OMD: variants seen among roughly 807,000 people sequenced by gnomAD.
OMD encodes osteomodulin, also known as KSPG osteomodulin.
Under a neutral mutation model 31.2 loss-of-function variants are expected in OMD, and 19 were observed. That is an observed-to-expected ratio of 0.61 (90% CI 0.42 to 0.89). OMD has a LOEUF of 0.89. OMD is among the 40% of genes least tolerant of loss of function. OMD has a pLI of 0.00. For synonymous variants in OMD, 155 were observed against 166.4 expected (o/e 0.93, Z 0.53); for missense variants, 448 against 490.8 (o/e 0.91, Z 0.82).
In OMD at chr9:92,412,911, A is replaced by G. The variant is rs1290474293; in HGVS notation, c.*2241T>C. On this transcript the variant is annotated 3_prime_UTR_variant, in exon 3 of 3. Coordinates refer to ENST00000375550, the MANE Select transcript of OMD (RefSeq NM_005014.3). The stretch of plus-strand genomic sequence containing the variant: ...TTTATATGCAAATTTTGGTGTGAAC[A>G]TGTGTGTTCAGTTCTATTGGGTATA... Among the ~76,000 whole-genome samples the G allele has an allele frequency of 6.8e-6, 1 of 146,066 alleles. No individual in the cohort carries two copies. Among genetic ancestry groups the G allele is most frequent in the Non-Finnish European group, 1.5e-5 (1 of 67,290 alleles).
rs2130952156 is a variant in OMD, at chr9:92,413,544, G to A, written c.*1608C>T. Reference sequence around the variant, plus strand: ...ATCTTTGTTTTCTAAAACACCTATAGTATTTTCCACGTATTAACTCTTAAT... The same window carrying A: ...ATCTTTGTTTTCTAAAACACCTATAATATTTTCCACGTATTAACTCTTAAT... On this transcript the variant is annotated 3_prime_UTR_variant, in exon 3 of 3. Transcript: ENST00000375550. 6.6e-6 allele frequency among the ~76,000 whole-genome samples: 1 copy of A among 152,150 alleles called. No homozygotes were observed. The highest frequency in any genetic ancestry group is 1.9e-4 in the East Asian group (1 of 5,182).
At chr9:92,418,617 G>C (rs142748280) in intron 1 of OMD, among the ~76,000 whole-genome samples, 51 of 152,192 alleles carry the variant, frequency 3.4e-4, no homozygotes, top group African/African-American at 1.2e-3. Context: ...TCACTGCCTG[G>C]GGGAGGAAAG....
chr9:92,423,126 CAT>C (rs1427756507), intron 1 of OMD, among the ~76,000 whole-genome samples: 1 of 152,148 alleles, frequency 6.6e-6, no homozygotes, highest in African/African-American at 2.4e-5. Context: ...TTCAAATGAA[CAT>C]ATTCATGAGA....
chr9:92,416,389 G>A (rs1843613834), intron 2 of OMD, among the ~76,000 whole-genome samples: 1 of 151,996 alleles, frequency 6.6e-6, no homozygotes, highest in African/African-American at 2.4e-5. Flanking sequence ...ACAGGCATGA[G>A]CCACCACGCC....
At position 92,416,850 on chromosome 9, in the gene OMD, A is replaced by G; in HGVS notation, c.709T>C (p.Tyr237His). Reference protein sequence around the residue: ...MPPGLPSSLMYLSLENNSISS... With the variant: ...MPPGLPSSLMHLSLENNSISS... ...ATTGAATTATTTTCTAAAGACAGAT[A>G]CATAAGTGAAGAAGGCAAACCAGGA... is the stretch of plus-strand genomic sequence containing the variant. The change falls in exon 2 of 3, where the codon TAT (tyrosine) becomes CAT (histidine). Residue 237 changes from tyrosine (Y) to histidine (H), a missense_variant. Transcript: ENST00000375550. The G allele has an allele frequency of 1.9e-6, 3 of 1,613,878 alleles. No homozygotes were observed. The highest frequency in any genetic ancestry group is 2.5e-6 in the Non-Finnish European group (3 of 1,179,808).
At chr9:92,418,759 A>G (rs764514421) in intron 1 of OMD, among the ~76,000 whole-genome samples, 3 of 152,178 alleles carry the variant, frequency 2.0e-5, no homozygotes, top group Non-Finnish European at 4.4e-5. Flanking sequence ...TAGAAATAGT[A>G]TTCATGTTTC....
intron 2 of OMD, among the ~76,000 whole-genome samples, 175 bp from the exon 3 acceptor site, chr9:92,415,652 A>G (rs1368097889): frequency 6.6e-6 from 1 of 150,656 alleles, no homozygotes; most frequent in African/African-American, 2.4e-5. Flanking sequence ...AAATTAAATT[A>G]TGAGTTTTAT....
chr9:92,413,557 A>G lies in OMD; in HGVS notation c.*1595T>C, dbSNP rs190885374. ...AAAACACCTATAGTATTTTCCACGT[A>G]TTAACTCTTAATGTTTGAATTTATA... On this transcript the variant is annotated 3_prime_UTR_variant, in exon 3 of 3. Coordinates refer to ENST00000375550, the MANE Select transcript of OMD (RefSeq NM_005014.3). Among the ~76,000 whole-genome samples the G allele has an allele frequency of 2.0e-5, 3 of 152,290 alleles. No homozygotes were observed. The highest frequency in any genetic ancestry group is 4.4e-5 in the Non-Finnish European group (3 of 68,026).
Position 92,416,885 on chromosome 9 carries a change from T to C in OMD, c.674A>G (p.Glu225Gly). Residue 225 changes from glutamate to glycine, a missense_variant, in exon 2 of 3, where the codon GAA becomes GGA. Transcript: ENST00000375550. ...MQLNLCSNRL[E>G]SMPPGLPSSL... is the part of the protein sequence containing the mutation. ...AGAAGGCAAACCAGGAGGCATTGATTCTAATCTGTTACTGCAGAGGTTGAG... is the reference window on the plus strand; with the variant it reads ...AGAAGGCAAACCAGGAGGCATTGATCCTAATCTGTTACTGCAGAGGTTGAG... 1 of 1,614,060 alleles carries C rather than the reference T, an allele frequency of 6.2e-7. No individual in the cohort carries two copies. The highest frequency in any genetic ancestry group is 8.5e-7 in the Non-Finnish European group (1 of 1,179,980).
chr9:92,414,889 A>T lies in OMD; in HGVS notation c.*263T>A, dbSNP rs1201463924. ...CTTTAACATGATATTTCTATATTTA[A>T]AAAGAGCATAAGAAACCATTAACGT... On this transcript the variant is annotated 3_prime_UTR_variant, in exon 3 of 3. Transcript: ENST00000375550. The T allele has an allele frequency of 3.4e-6, 1 of 291,506 alleles. No individual in the cohort carries two copies. Among genetic ancestry groups the T allele is most frequent in the Non-Finnish European group, 6.3e-6 (1 of 158,818 alleles). The allele number at this position is 291,506 out of a possible 1,614,324, so 18.1% of individuals were successfully genotyped here. A position where few individuals can be genotyped will look rare whatever the true frequency, so the allele number is the denominator to read the frequency against.
chr9:92,415,297 T>G lies in OMD; in HGVS notation c.1121A>C (p.Gln374Pro), dbSNP rs1279873297. ...TCTCCTGAAAACTTGTGTCTTTAGTTGTATTGTTTGACCATTAGTGCTTCG... is the reference window on the plus strand; with the variant it reads ...TCTCCTGAAAACTTGTGTCTTTAGTGGTATTGTTTGACCATTAGTGCTTCG... ...EQRSTNGQTI[Q>P]LKTQVFRRFP... The change falls in exon 3 of 3, where the codon CAA becomes CCA. Residue 374 changes from glutamine (Q) to proline (P), a missense_variant. Transcript: ENST00000375550. 6.2e-7 allele frequency: 1 copy of G among 1,613,752 alleles called. No individual in the cohort carries two copies. The highest frequency in any genetic ancestry group is 1.1e-5 in the South Asian group (1 of 91,070).
At chr9:92,423,108 A>G (rs908582240) in intron 1 of OMD, among the ~76,000 whole-genome samples, 1 of 152,190 alleles carries the variant, frequency 6.6e-6, no homozygotes, top group African/African-American at 2.4e-5. Flanking sequence ...TTTCACTATG[A>G]TAATTTCTTC....
Position 92,415,251 on chromosome 9 carries a change from TTCA to T in OMD, c.1164_1166del (p.Asp388del), listed in dbSNP as rs1253116495. On this transcript the variant is annotated inframe_deletion, in exon 3 of 3. Transcript: ENST00000375550. ...TGTCAGGATCATCGTGATCTTCACT[TTCA>T]TCATCATCATCTGGAAATCTCCTGA... 6.2e-7 allele frequency: 1 copy of T among 1,613,716 alleles called. No homozygotes were observed. The highest frequency in any genetic ancestry group is 8.5e-7 in the Non-Finnish European group (1 of 1,179,688).
Position 92,413,609 on chromosome 9 carries a change from G to C in OMD, c.*1543C>G, listed in dbSNP as rs1333253131. 6.6e-6 allele frequency among the ~76,000 whole-genome samples: 1 copy of C among 152,162 alleles called. No homozygotes were observed. Among genetic ancestry groups the C allele is most frequent in the Non-Finnish European group, 1.5e-5 (1 of 68,030 alleles). ...CCTGTATTTAAAAATTGCAAGAAAA[G>C]GGAGGTGGGCCTTAAGATTTTTTTT... On this transcript the variant is annotated 3_prime_UTR_variant, in exon 3 of 3. Transcript: ENST00000375550.
intron 1 of OMD, among the ~76,000 whole-genome samples, chr9:92,422,226 G>C (rs1318634257): frequency 6.6e-6 from 1 of 151,762 alleles, no homozygotes; most frequent in Non-Finnish European, 1.5e-5. Context: ...ACATTTTTTT[G>C]TATTTTTAGT....
chr9:92,417,263 T>C lies in OMD; in HGVS notation c.296A>G (p.Gln99Arg). The C allele has an allele frequency of 6.2e-7, 1 of 1,614,104 alleles. No individual in the cohort carries two copies. Among genetic ancestry groups the C allele is most frequent in the Middle Eastern group, 1.7e-4 (1 of 6,060 alleles). The change falls in exon 2 of 3, where the codon CAG (glutamine) becomes CGG (arginine). Residue 99 changes from glutamine (Q) to arginine (R), a missense_variant. Physicochemically the swap from Gln to Arg is conservative, Grantham distance 43 (BLOSUM62 1). Transcript: ENST00000375550. The stretch of plus-strand genomic sequence containing the variant: ...AGTCACAGCCTCAATTTCATTGAAC[T>C]GAAGGTAGAGTTGCTGAATGTGCAT... Reference protein sequence around the residue: ...IPMHIQQLYLQFNEIEAVTAN... With the variant: ...IPMHIQQLYLRFNEIEAVTAN...
rs1473856395 is a variant in OMD at position 92,415,339 on chromosome 9, A to G, written c.1079T>C (p.Ile360Thr). 1 of 1,613,630 alleles carries G rather than the reference A, an allele frequency of 6.2e-7. No individual in the cohort carries two copies. The highest frequency in any genetic ancestry group is 1.1e-5 in the South Asian group (1 of 91,072). ...AGTGCTTCGTTGTTCACCATAATAA[A>G]TAGTGTGTATATGAGGGAAGCAGAA... ...IFFCFPHIHT[I>T]YYGEQRSTNG... Residue 360 changes from isoleucine (I) to threonine (T), a missense_variant, in exon 3 of 3, where the codon ATT (isoleucine) becomes ACT (threonine). By Grantham distance (89) the Ile-to-Thr change is moderately conservative (BLOSUM62 -1). Coordinates refer to ENST00000375550, the MANE Select transcript of OMD (RefSeq NM_005014.3).
rs777122325 is a variant in OMD, at chr9:92,424,279, T to C, written c.-94A>G. ...ATGAATCAGAAATTCCTAAATTCTTTAACTGAGTCTCTTAAAAATCCACAG... is the reference window on the plus strand; with the variant it reads ...ATGAATCAGAAATTCCTAAATTCTTCAACTGAGTCTCTTAAAAATCCACAG... On this transcript the variant is annotated 5_prime_UTR_variant, in exon 1 of 3. Transcript: ENST00000375550. 1 of 152,238 alleles carries C rather than the reference T, an allele frequency of 6.6e-6. No homozygotes were observed. Among genetic ancestry groups the C allele is most frequent in the Non-Finnish European group, 1.5e-5 (1 of 68,044 alleles). 9.4% of individuals were successfully genotyped at this position (152,238 alleles called of 1,614,324 possible). A position where few individuals can be genotyped will look rare whatever the true frequency, so the allele number is the denominator to read the frequency against.
chr9:92,415,974 A>G (rs1318894842), intron 2 of OMD, among the ~76,000 whole-genome samples: 1 of 145,554 alleles, frequency 6.9e-6, no homozygotes, highest in Non-Finnish European at 1.5e-5. Flanking sequence ...ATTGTCAGTT[A>G]TATATATATG....
Sources: gnomAD v4.1 joint callset for allele counts (sites outside exome capture counted in the v4.1 genomes callset) on GRCh38, gnomAD v4.1.1 for gene constraint, MANE v1.5 for transcripts, NCBI Gene and HGNC (gene_info 2026-07-23, HGNC 2026-07-21) for gene names.